The following IMMP2L variants were observed in gnomAD, a reference collection of about 807,000 sequenced individuals.
The protein encoded by IMMP2L is mitochondrial inner membrane protease subunit 2.
A neutral mutation model predicts 19.3 loss-of-function variants in IMMP2L; 18 were observed. The ratio of observed to expected loss-of-function variants is 0.93; its 90% CI spans 0.64 to 1.38. The LOEUF is 1.38. Ranked by LOEUF, IMMP2L falls within the 40% of genes most tolerant of loss-of-function variation. The probability of loss-of-function intolerance (pLI) is 0.00; values close to 1 mark genes in which losing one functional copy is unlikely to be tolerated. For missense variants in IMMP2L, 233 were observed against 218.2 expected, an observed-to-expected ratio of 1.07 and a Z score of -0.43; for synonymous variants, 76 against 73.0, an observed-to-expected ratio of 1.04 and a Z score of -0.21.
intron 3 of IMMP2L, among the ~76,000 whole-genome samples, chr7:111,239,013 A>G (rs1814674537): frequency 1.3e-5 from 2 of 152,036 alleles, no homozygotes; most frequent in South Asian, 4.1e-4. Flanking sequence ...TATTTCACCA[A>G]TAGTGAAAAC....
intron 3 of IMMP2L, chr7:111,125,284 T>C (rs918192446): frequency 5.7e-6 from 1 of 175,200 alleles, no homozygotes; most frequent in African/African-American, 2.4e-5. Flanking sequence ...CACGAGTTTT[T>C]GCAGTGACCA....
At chr7:111,115,144 AAG>A (rs1799724881) in intron 3 of IMMP2L, among the ~76,000 whole-genome samples, 2 of 152,288 alleles carry the variant, frequency 1.3e-5, no homozygotes, top group South Asian at 2.1e-4. Flanking sequence ...AGGTAAATAA[AAG>A]AGAGGTTAAA....
chr7:110,984,749 T>C (rs540158690), intron 3 of IMMP2L, among the ~76,000 whole-genome samples: 20 of 152,162 alleles, frequency 1.3e-4, no homozygotes, highest in African/African-American at 4.3e-4. Context: ...CAAAAATCAA[T>C]AATATTTTCA....
intron 5 of IMMP2L, among the ~76,000 whole-genome samples, chr7:110,781,404 G>A (rs973203821): frequency 6.6e-6 from 1 of 151,710 alleles, no homozygotes; most frequent in African/African-American, 2.4e-5. Context: ...TGAATAAAAT[G>A]CAATGCTTTT....
intron 1 of IMMP2L, among the ~76,000 whole-genome samples, chr7:111,534,479 A>G (rs1452394267): frequency 2.0e-5 from 3 of 152,138 alleles, no homozygotes; most frequent in African/African-American, 7.2e-5. Flanking sequence ...AAGAGGTCAA[A>G]TAATAAAGAA....
At chr7:110,988,187 C>T (rs1246167574) in intron 3 of IMMP2L, among the ~76,000 whole-genome samples, 1 of 152,184 alleles carries the variant, frequency 6.6e-6, no homozygotes, top group African/African-American at 2.4e-5. Flanking sequence ...TCAAAGTTCA[C>T]TTATAGCTCA....
At chr7:111,387,103 G>A (rs1831837937) in intron 3 of IMMP2L, among the ~76,000 whole-genome samples, 2 of 152,056 alleles carry the variant, frequency 1.3e-5, no homozygotes, top group East Asian at 1.9e-4. Context: ...TGTATTTCTT[G>A]TTCAAACACT....
intron 5 of IMMP2L, among the ~76,000 whole-genome samples, chr7:110,811,130 G>A (rs1881169): frequency 0.85 from 129,053 of 152,018 alleles, 55,333 homozygotes; most frequent in East Asian, 0.98. Context: ...CATGTACTCG[G>A]GTAATGAAAC....
At chr7:111,202,017 C>T (rs1329608186) in intron 3 of IMMP2L, among the ~76,000 whole-genome samples, 3 of 152,120 alleles carry the variant, frequency 2.0e-5, no homozygotes, top group Admixed American at 1.3e-4. Flanking sequence ...TAGATATTAA[C>T]CAAGCCACAT....
chr7:110,693,130 T>C (rs757539833), intron 5 of IMMP2L, among the ~76,000 whole-genome samples: 76 of 152,200 alleles, frequency 5.0e-4, no homozygotes, highest in Non-Finnish European at 1.0e-3. Context: ...GAACTGAAGT[T>C]CCGTTTGAGA....
At chr7:111,159,110 C>T (rs1026110095) in intron 3 of IMMP2L, among the ~76,000 whole-genome samples, 1 of 151,968 alleles carries the variant, frequency 6.6e-6, no homozygotes, top group Non-Finnish European at 1.5e-5. Context: ...CAAGTTGATG[C>T]TGATGATTTT....
rs776614505 is a variant in IMMP2L at position 111,166,749 on chromosome 7, A to C, written c.240-203184T>G. Reference sequence around the variant, plus strand: ...GAAGAATTCTTCCTTATTTTGTCTAATTTCTGGTGGTTCCAGTCATTCCAT... The same window carrying C: ...GAAGAATTCTTCCTTATTTTGTCTACTTTCTGGTGGTTCCAGTCATTCCAT... On this transcript the variant is annotated intron_variant, in intron 3 of 5. Transcript: ENST00000405709. 3.9e-5 allele frequency among the ~76,000 whole-genome samples: 6 copies of C among 151,966 alleles called. 1 individual carries two copies. The Middle Eastern group carries it at 0.01, about 258-fold the overall frequency.
intron 3 of IMMP2L, among the ~76,000 whole-genome samples, chr7:111,354,111 A>G (rs1828459876): frequency 6.6e-6 from 1 of 152,048 alleles, no homozygotes; most frequent in Non-Finnish European, 1.5e-5. Context: ...CTGATACCAA[A>G]AAATGAAAAA....
chr7:110,909,889 GGAGA>G (rs71778763), intron 4 of IMMP2L, among the ~76,000 whole-genome samples: 7 of 148,364 alleles, frequency 4.7e-5, no homozygotes, highest in Admixed American at 1.3e-4. Context: ...GTTAAACAGA[GGAGA>G]GAGAGAGAGA....
intron 5 of IMMP2L, among the ~76,000 whole-genome samples, chr7:110,736,872 A>G (rs986616070): frequency 6.6e-6 from 1 of 152,182 alleles, no homozygotes; most frequent in Non-Finnish European, 1.5e-5. Context: ...GAGACTCTGG[A>G]CTTCAAACTT....
chr7:110,922,391 T>A (rs1445565596), intron 4 of IMMP2L, among the ~76,000 whole-genome samples: 2 of 152,168 alleles, frequency 1.3e-5, no homozygotes, highest in Admixed American at 6.6e-5. Context: ...TGATAGATAA[T>A]AAATGACAAA....
rs60697579 is a variant in IMMP2L at position 111,551,495 on chromosome 7, G to GGTGTGTGTGTGTGT, written c.-3+10342_-3+10355dup. Among the ~76,000 whole-genome samples, 3 of 145,354 alleles carry GGTGTGTGTGTGTGT rather than the reference G, an allele frequency of 2.1e-5. No individual in the cohort carries two copies. The East Asian group carries it at 6.1e-4, about 30-fold the overall frequency. On this transcript the variant is annotated intron_variant, in intron 1 of 5. Coordinates refer to ENST00000405709, the MANE Select transcript of IMMP2L (RefSeq NM_032549.4). ...AGGTATGTTAGGTATGACTGTTAGA[G>GGTGTGTGTGTGTGT]GTGTGTGTGTGTGTGTGTGTGTGTG... is the stretch of plus-strand genomic sequence containing the variant.
intron 3 of IMMP2L, among the ~76,000 whole-genome samples, chr7:111,267,622 G>C (rs533412723): frequency 6.6e-6 from 1 of 152,114 alleles, no homozygotes; most frequent in Non-Finnish European, 1.5e-5. Flanking sequence ...CTTCTAAGGA[G>C]GACATTCTTA....
At chr7:110,852,257 T>C (rs1438043251) in intron 5 of IMMP2L, among the ~76,000 whole-genome samples, 1 of 151,148 alleles carries the variant, frequency 6.6e-6, no homozygotes, top group Non-Finnish European at 1.5e-5. Flanking sequence ...TACACATATA[T>C]AGCCATAAAC....
Sources: allele counts gnomAD v4.1 joint callset (sites outside exome capture counted in the v4.1 genomes callset), GRCh38; gene constraint gnomAD v4.1.1; transcripts MANE v1.5; gene names NCBI Gene and HGNC (gene_info 2026-07-23, HGNC 2026-07-21).